Variants in PPP1CC observed in about 807,000 individuals in gnomAD.
PPP1CC encodes the protein protein phosphatase 1 catalytic subunit gamma.
PPP1CC carries 16 observed loss-of-function variants against 38.4 expected under a neutral mutation model. The ratio of observed to expected loss-of-function variants is 0.42; its 90% CI spans 0.28 to 0.63. PPP1CC has a LOEUF of 0.63. PPP1CC is among the 30% of genes least tolerant of loss of function. The pLI, the probability that PPP1CC is intolerant of heterozygous loss-of-function variation, is 0.25. For synonymous variants in PPP1CC, 158 were observed against 136.0 expected, an observed-to-expected ratio of 1.16 and a Z score of -1.13; for missense variants, 170 against 391.3, an observed-to-expected ratio of 0.43 and a Z score of 4.77.
rs1453036348 is a variant in PPP1CC, at chr12:110,742,431, T to C, written c.55+222A>G. On this transcript the variant is annotated intron_variant, in intron 1 of 6. Coordinates refer to ENST00000335007, the MANE Select transcript of PPP1CC (RefSeq NM_002710.4). ...GGAGGAAGCCTGCATCCTCGTGCAA[T>C]GAATGAGCGGAGCCTGGAGGGTCCG... 2.0e-5 allele frequency among the ~76,000 whole-genome samples: 3 copies of C among 152,050 alleles called. No homozygotes were observed. The East Asian group carries it at 5.8e-4, about 29-fold the overall frequency.
chr12:110,709,966 A>AAT, the PPP1CC span, among the ~76,000 whole-genome samples: 7 of 142,720 alleles, frequency 4.9e-5, no homozygotes, highest in African/African-American at 1.8e-4. Context: ...TAATAATAAT[A>AAT]ATAATAATAA....
chr12:110,708,830 G>C, the PPP1CC span, among the ~76,000 whole-genome samples: 1 of 140,154 alleles, frequency 7.1e-6, no homozygotes, highest in Non-Finnish European at 1.5e-5. Context: ...CAGCTTGGGT[G>C]ACAGAGCGAG....
chr12:110,724,853 G>T, intron 3 of PPP1CC, 89 bp from the exon 4 acceptor site: 1 of 679,200 alleles, frequency 1.5e-6, no homozygotes, highest in Non-Finnish European at 2.6e-6. Context: ...CCCAAAGCAA[G>T]ATTCTGGGTG....
chr12:110,710,197 A>G, the PPP1CC span, among the ~76,000 whole-genome samples: 22 of 152,110 alleles, frequency 1.4e-4, no homozygotes, highest in Non-Finnish European at 2.9e-4. Flanking sequence ...ACACCTCATT[A>G]TATTTCCCAA....
At chr12:110,710,717 CAAAAAAAAA>C in the PPP1CC span, among the ~76,000 whole-genome samples, 2 of 27,898 alleles carry the variant, frequency 7.2e-5, no homozygotes, top group Non-Finnish European at 1.3e-4. Context: ...GACTCTGTCT[CAAAAAAAAA>C]AAAAAAAAAA....
chr12:110,739,141 A>G (rs555859844), intron 1 of PPP1CC, among the ~76,000 whole-genome samples: 1 of 152,146 alleles, frequency 6.6e-6, no homozygotes, highest in South Asian at 2.1e-4. Context: ...CCTCATCTCT[A>G]CTAAAAATAC....
downstream of PPP1CC, among the ~76,000 whole-genome samples, chr12:110,714,805 C>CAAAAAAA (rs1164975036): frequency 3.9e-3 from 85 of 22,068 alleles, 4 homozygotes; most frequent in Non-Finnish European, 5.6e-3. Flanking sequence ...GACTCTGTCT[C>CAAAAAAA]AAAAAAAAAA....
Position 110,730,772 on chromosome 12 carries a change from A to C in PPP1CC, c.188-13T>G. The C allele has an allele frequency of 6.4e-7, 1 of 1,563,088 alleles. No individual in the cohort carries two copies. The highest frequency in any genetic ancestry group is 1.4e-5 in the African/African-American group (1 of 73,310). Reference sequence around the variant, plus strand: ...CCATGGATGTCACCTGGAAGCAAGAATTTTGTTACACAGTGTTCCCATACT... The same window carrying C: ...CCATGGATGTCACCTGGAAGCAAGACTTTTGTTACACAGTGTTCCCATACT... On this transcript the variant is annotated splice_polypyrimidine_tract_variant and intron_variant, in intron 2 of 6. Coordinates refer to ENST00000335007, the MANE Select transcript of PPP1CC (RefSeq NM_002710.4).
chr12:110,735,343 T>C (rs911773941), intron 1 of PPP1CC, among the ~76,000 whole-genome samples: 3 of 152,120 alleles, frequency 2.0e-5, no homozygotes, highest in African/African-American at 7.2e-5. Context: ...CTGTCAACGA[T>C]CCTAGGAAGT....
In PPP1CC at chr12:110,731,865, T is replaced by C; in HGVS notation, c.92A>G (p.Gln31Arg). Residue 31 changes from glutamine (Q) to arginine (R), a missense_variant, in exon 2 of 7, where the codon CAG (glutamine) becomes CGG (arginine). Coordinates refer to ENST00000335007, the MANE Select transcript of PPP1CC (RefSeq NM_002710.4). ...GSKPGKNVQL[Q>R]ENEIRGLCLK... ...GCACAGTCCTCTGATTTCATTCTCCTGAAGCTGGACATTCTTACCAGGCTT... is the reference window on the plus strand; with the variant it reads ...GCACAGTCCTCTGATTTCATTCTCCCGAAGCTGGACATTCTTACCAGGCTT... 6.2e-7 allele frequency: 1 copy of C among 1,613,848 alleles called. No homozygotes were observed. The highest frequency in any genetic ancestry group is 1.3e-5 in the African/African-American group (1 of 75,038).
intron 1 of PPP1CC, among the ~76,000 whole-genome samples, chr12:110,739,261 T>C (rs1349059225): frequency 6.6e-6 from 1 of 151,862 alleles, no homozygotes; most frequent in African/African-American, 2.4e-5. Context: ...TGAGCCAGGA[T>C]CCCACCACTG....
At chr12:110,742,303 G>A (rs2070026192) in intron 1 of PPP1CC, among the ~76,000 whole-genome samples, 1 of 152,166 alleles carries the variant, frequency 6.6e-6, no homozygotes, top group Admixed American at 6.5e-5. Flanking sequence ...GCTGGACTGG[G>A]ATCCCCAACC....
At chr12:110,730,194 C>CA (rs551237758) in intron 3 of PPP1CC, among the ~76,000 whole-genome samples, 3 of 152,144 alleles carry the variant, frequency 2.0e-5, no homozygotes, top group Non-Finnish European at 2.9e-5. Flanking sequence ...CCCATCTCTT[C>CA]AAAAAAATAC....
At chr12:110,727,937 C>G (rs2069820323) in intron 3 of PPP1CC, among the ~76,000 whole-genome samples, 1 of 152,150 alleles carries the variant, frequency 6.6e-6, no homozygotes, top group Admixed American at 6.5e-5. Context: ...CACTGATCTT[C>G]TAAGTCATTT....
chr12:110,734,255 T>C (rs2069915409), intron 1 of PPP1CC, among the ~76,000 whole-genome samples: 1 of 152,224 alleles, frequency 6.6e-6, no homozygotes, highest in Non-Finnish European at 1.5e-5. Flanking sequence ...ACACAGCAGG[T>C]GCTCAAAATT....
intron 3 of PPP1CC, among the ~76,000 whole-genome samples, chr12:110,727,569 C>T (rs2069814020): frequency 6.6e-6 from 1 of 150,548 alleles, no homozygotes; most frequent in African/African-American, 2.5e-5. Context: ...TCATGTTTTA[C>T]CCAACAACAT....
the PPP1CC span, among the ~76,000 whole-genome samples, chr12:110,712,306 T>TA: frequency 6.6e-6 from 1 of 151,616 alleles, no homozygotes; most frequent in African/African-American, 2.4e-5. Flanking sequence ...AAATAACATA[T>TA]AAAATGACAA....
Position 110,724,694 on chromosome 12 carries a change from GGCT to G in PPP1CC, c.486_488del (p.Ala163del). 2 of 1,613,298 alleles carry G rather than the reference GGCT, an allele frequency of 1.2e-6. No homozygotes were observed. Among genetic ancestry groups the G allele is most frequent in the Non-Finnish European group, 1.7e-6 (2 of 1,179,404 alleles). The stretch of plus-strand genomic sequence containing the variant: ...AGCAGAATATCTTCTCATCCACGAT[GGCT>G]GCTATCGGTAAACAGTTAAAACAGT... On this transcript the variant is annotated inframe_deletion, in exon 4 of 7. Transcript: ENST00000335007.
intron 3 of PPP1CC, 185 bp from the exon 4 acceptor site, chr12:110,724,949 C>T (rs138115851): frequency 3.0e-4 from 114 of 380,542 alleles, no homozygotes; most frequent in African/African-American, 1.9e-3. Context: ...AAGAGCTGGG[C>T]GTGGTGGGTC....
Sources: gnomAD v4.1 joint callset for allele counts (sites outside exome capture counted in the v4.1 genomes callset) on GRCh38, gnomAD v4.1.1 for gene constraint, MANE v1.5 for transcripts, NCBI Gene and HGNC (gene_info 2026-07-23, HGNC 2026-07-21) for gene names.